Variants in ZNF551 observed in about 807,000 individuals in gnomAD.
ZNF551 encodes the protein KOX 23 protein (56 AA).
ZNF551 carries 5 observed loss-of-function variants against 7.9 expected under a neutral mutation model. The observed-to-expected ratio is 0.63, with a 90% CI of 0.33 to 1.33. The LOEUF is 1.33. ZNF551 is among the 40% of genes most tolerant of loss of function. ZNF551 has a pLI of 0.05. For missense variants in ZNF551, 788 were observed against 825.2 expected (o/e 0.95, Z 0.55); for synonymous variants, 287 against 277.3 (o/e 1.03, Z -0.35).
chr19:57,687,675 G>A lies in ZNF551; in HGVS notation c.1400G>A (p.Ser467Asn). 1 of 1,614,160 alleles carries A rather than the reference G, an allele frequency of 6.2e-7. No homozygotes were observed. Among genetic ancestry groups the A allele is most frequent in the Non-Finnish European group, 8.5e-7 (1 of 1,180,044 alleles). Residue 467 changes from serine (S) to asparagine (N), a missense_variant, in exon 3 of 3, where the codon AGC (serine) becomes AAC (asparagine). Ser to Asn is a conservative substitution (Grantham distance 46). Coordinates refer to ENST00000282296, the MANE Select transcript of ZNF551 (RefSeq NM_138347.5). Reference sequence around the variant, plus strand: ...TTCTCTAACCTCATTCGACACCGCAGCATTCACACTGGTGATAGGCCTTAT... The same window carrying A: ...TTCTCTAACCTCATTCGACACCGCAACATTCACACTGGTGATAGGCCTTAT... ...RQFSNLIRHR[S>N]IHTGDRPYEC...
rs1209825802 is a variant in ZNF551, at chr19:57,688,447, A to G, written c.*159A>G. On this transcript the variant is annotated 3_prime_UTR_variant, in exon 3 of 3. Transcript: ENST00000282296. ...TCTGAGGAGGTTCATTGTAATTTCTAATCTGCCGAGGCCTATAGCCTGATT... is the reference window on the plus strand; with the variant it reads ...TCTGAGGAGGTTCATTGTAATTTCTGATCTGCCGAGGCCTATAGCCTGATT... 17 of 1,038,948 alleles carry G rather than the reference A, an allele frequency of 1.6e-5. No individual in the cohort carries two copies. The highest frequency in any genetic ancestry group is 2.3e-5 in the Non-Finnish European group (17 of 733,930). The allele number at this position is 1,038,948 out of a possible 1,614,324, so 64.4% of individuals were successfully genotyped here. A position where few individuals can be genotyped will look rare whatever the true frequency, so the allele number is the denominator to read the frequency against.
At chr19:57,685,148 G>A (rs1052353100) in intron 1 of ZNF551, 114 bp from the exon 2 acceptor site, 86 of 1,433,154 alleles carry the variant, frequency 6.0e-5, no homozygotes, top group Non-Finnish European at 7.6e-5. Context: ...GTGGCACTGT[G>A]GCTGGTTATC....
intron 2 of ZNF551, among the ~76,000 whole-genome samples, chr19:57,685,930 G>A (rs937781230): frequency 6.6e-6 from 1 of 152,162 alleles, no homozygotes; most frequent in African/African-American, 2.4e-5. Flanking sequence ...GCCATAACTC[G>A]TTTCTACTTC....
At chr19:57,685,036 C>T (rs992967974) in intron 1 of ZNF551, among the ~76,000 whole-genome samples, 6 of 152,156 alleles carry the variant, frequency 3.9e-5, no homozygotes, top group Admixed American at 6.5e-5. Context: ...TATAGCCTAC[C>T]TGCCATGCCC....
At position 57,685,488 on chromosome 19, in the gene ZNF551, T is replaced by A. The variant is rs768204595; in HGVS notation, c.205+103T>A. ...TCAGCCTAGTGGATCTTATTTTTCT[T>A]GTCTTCCCCCTGTCAGGATGACTGT... On this transcript the variant is annotated intron_variant, in intron 2 of 2. Transcript: ENST00000282296. 201 of 1,566,234 alleles carry A rather than the reference T, an allele frequency of 1.3e-4. No homozygotes were observed. The Admixed American group carries it at 3.3e-3, about 26-fold the overall frequency.
At position 57,688,168 on chromosome 19, in the gene ZNF551, T is replaced by A; in HGVS notation, c.1893T>A (p.Ile631=). 6.2e-7 allele frequency: 1 copy of A among 1,614,108 alleles called. No homozygotes were observed. The highest frequency in any genetic ancestry group is 1.1e-5 in the South Asian group (1 of 91,082). The change falls in exon 3 of 3, where the codon ATT becomes ATA. Residue 631 remains isoleucine, a synonymous_variant. Transcript: ENST00000282296. ...GKPFTHKSDL[I]QHQRVHTGER... ...CCTTTACCCACAAATCAGACCTTAT[T>A]CAGCACCAAAGAGTTCACACTGGAG...
intron 1 of ZNF551, 145 bp downstream of exon 1, chr19:57,682,389 C>T (rs763478833): frequency 1.2e-4 from 97 of 833,738 alleles, no homozygotes; most frequent in Non-Finnish European, 1.6e-4. Flanking sequence ...GTTTGTGACG[C>T]CCAGTGTGTA....
At position 57,687,401 on chromosome 19, in the gene ZNF551, T is replaced by G. The variant is rs546832681; in HGVS notation, c.1126T>G (p.Ser376Ala). 2 of 1,614,004 alleles carry G rather than the reference T, an allele frequency of 1.2e-6. No individual in the cohort carries two copies. The highest frequency in any genetic ancestry group is 2.2e-5 in the East Asian group (1 of 44,858). The change falls in exon 3 of 3, where the codon TCT becomes GCT. Residue 376 changes from serine to alanine, a missense_variant. Physicochemically the swap from Ser to Ala is moderately conservative, Grantham distance 99. Transcript: ENST00000282296. ...GTGCGGGAAATCCTTTAGACAAAGC[T>G]CTAGCCTTTTTCGACACCAGAGAGT... ...GECGKSFRQS[S>A]SLFRHQRVHS...
chr19:57,686,700 G>T lies in ZNF551; in HGVS notation c.425G>T (p.Cys142Phe). Residue 142 changes from cysteine to phenylalanine, a missense_variant, in exon 3 of 3, where the codon TGC (cysteine) becomes TTC (phenylalanine). Physicochemically the swap from Cys to Phe is radical, Grantham distance 205. Transcript: ENST00000282296. The part of the protein sequence containing the change: ...YLGSTSMRGF[C>F]FSADLHQHQK... ...GGTAGCACAAGCATGAGAGGCTTCT[G>T]CTTCAGTGCTGACCTTCACCAGCAT... The T allele has an allele frequency of 6.2e-7, 1 of 1,614,216 alleles. No individual in the cohort carries two copies. Among genetic ancestry groups the T allele is most frequent in the Non-Finnish European group, 8.5e-7 (1 of 1,180,040 alleles).
At chr19:57,685,239 T>A in intron 1 of ZNF551, 23 bp from the exon 2 acceptor site, 2 of 1,612,730 alleles carry the variant, frequency 1.2e-6, no homozygotes, top group Non-Finnish European at 1.7e-6. Flanking sequence ...TGATCGTGGA[T>A]TGAACTATTC....
chr19:57,685,208 G>C, intron 1 of ZNF551, 54 bp from the exon 2 acceptor site: 1 of 1,599,646 alleles, frequency 6.3e-7, no homozygotes, highest in Middle Eastern at 1.7e-4. Context: ...TTGGGGGCAA[G>C]AGGATAATGA....
chr19:57,682,055 G>C lies in ZNF551; in HGVS notation c.-109G>C. 3 of 1,184,294 alleles carry C rather than the reference G, an allele frequency of 2.5e-6. No homozygotes were observed. The highest frequency in any genetic ancestry group is 2.2e-5 in the Admixed American group (1 of 45,442). 73.4% of individuals were successfully genotyped at this position (1,184,294 alleles called of 1,614,324 possible). A position where few individuals can be genotyped will look rare whatever the true frequency, so the allele number is the denominator to read the frequency against. ...CCAGCCCGCCAGTTTCTGCAGTGGA[G>C]GTCGCGACTGAGGGACGGGACAGAG... On this transcript the variant is annotated 5_prime_UTR_variant, in exon 1 of 3. Transcript: ENST00000282296.
rs370313299 is a variant in ZNF551, at chr19:57,686,907, A to C, written c.632A>C (p.Lys211Thr). ...GAGGAGCCACACAGTAGCAGCAGCAAGCATATACAGGCATTTTTCAATGCA... is the reference window on the plus strand; with the variant it reads ...GAGGAGCCACACAGTAGCAGCAGCACGCATATACAGGCATTTTTCAATGCA... ...SGEEPHSSSS[K>T]HIQAFFNAKS... The change falls in exon 3 of 3, where the codon AAG (lysine) becomes ACG (threonine). Residue 211 changes from lysine (K) to threonine (T), a missense_variant. Lys to Thr is a moderately conservative substitution (Grantham distance 78, BLOSUM62 -1). Transcript: ENST00000282296. 1.8e-5 allele frequency: 29 copies of C among 1,614,216 alleles called. No homozygotes were observed. Among genetic ancestry groups the C allele is most frequent in the Admixed American group, 8.3e-5 (5 of 60,028 alleles).
At chr19:57,686,058 T>C (rs1984543868) in intron 2 of ZNF551, among the ~76,000 whole-genome samples, 1 of 152,358 alleles carries the variant, frequency 6.6e-6, no homozygotes, top group African/African-American at 2.4e-5. Flanking sequence ...CTCACTTCTT[T>C]TCAGTGTTGT....
chr19:57,687,578 A>C lies in ZNF551; in HGVS notation c.1303A>C (p.Ile435Leu). ...ATCTTTTAGCTGCAAATCGGAACTC[A>C]TTCAACACCAGAGAATTCACAGTGG... ...GKSFSCKSEL[I>L]QHQRIHSGER... The change falls in exon 3 of 3, where the codon ATT (isoleucine) becomes CTT (leucine). Residue 435 changes from isoleucine (I) to leucine (L), a missense_variant. By Grantham distance (5) the Ile-to-Leu change is conservative. Coordinates refer to ENST00000282296, the MANE Select transcript of ZNF551 (RefSeq NM_138347.5). The C allele has an allele frequency of 1.2e-6, 2 of 1,614,240 alleles. No homozygotes were observed. The highest frequency in any genetic ancestry group is 1.7e-6 in the Non-Finnish European group (2 of 1,180,036).
intron 1 of ZNF551, among the ~76,000 whole-genome samples, 199 bp downstream of exon 1, chr19:57,682,443 G>A (rs1039971669): frequency 5.9e-5 from 9 of 152,212 alleles, no homozygotes; most frequent in African/African-American, 2.2e-4. Context: ...AGAACTTGGA[G>A]CTGCGACTAA....
chr19:57,687,007 C>T lies in ZNF551; in HGVS notation c.732C>T (p.Val244=). The T allele has an allele frequency of 5.0e-6, 8 of 1,614,188 alleles. No homozygotes were observed. The highest frequency in any genetic ancestry group is 6.8e-6 in the Non-Finnish European group (8 of 1,180,030). ...ACACACTTGTTCAGCATCAGAGTGTCTGTTCTGAAGGAGGGCTTTATGAGT... is the reference window on the plus strand; with the variant it reads ...ACACACTTGTTCAGCATCAGAGTGTTTGTTCTGAAGGAGGGCTTTATGAGT... ...HKHTLVQHQS[V]CSEGGLYECS... Residue 244 remains valine (V), a synonymous_variant, in exon 3 of 3, where the codon GTC becomes GTT. Transcript: ENST00000282296.
Position 57,686,540 on chromosome 19 carries a change from G to T in ZNF551, c.265G>T (p.Val89Phe). The T allele has an allele frequency of 3.1e-6, 5 of 1,614,184 alleles. No homozygotes were observed. Among genetic ancestry groups the T allele is most frequent in the Non-Finnish European group, 3.4e-6 (4 of 1,180,044 alleles). Residue 89 changes from valine to phenylalanine, a missense_variant, in exon 3 of 3, where the codon GTC (valine) becomes TTC (phenylalanine). Coordinates refer to ENST00000282296, the MANE Select transcript of ZNF551 (RefSeq NM_138347.5). ...TTCTGAGCAGAGTGTATCTATACAG[G>T]TCAGGACTTCTAAGGGCAATACACC... ...IASEQSVSIQ[V>F]RTSKGNTPTQ... is the part of the protein sequence containing the mutation.
In ZNF551 at chr19:57,685,396, A is replaced by G; in HGVS notation, c.205+11A>G. On this transcript the variant is annotated intron_variant, in intron 2 of 2. Transcript: ENST00000282296. ...ATGTAACATCCCTGGGTAAGGCCCT[A>G]GCATCCCTCCGAGTGTCTGCTTTTC... The G allele has an allele frequency of 6.2e-7, 1 of 1,613,986 alleles. No homozygotes were observed. Among genetic ancestry groups the G allele is most frequent in the Non-Finnish European group, 8.5e-7 (1 of 1,179,920 alleles).
Sources: gnomAD v4.1 joint callset for allele counts (sites outside exome capture counted in the v4.1 genomes callset) on GRCh38, gnomAD v4.1.1 for gene constraint, MANE v1.5 for transcripts, NCBI Gene and HGNC (gene_info 2026-07-23, HGNC 2026-07-21) for gene names.